Variants in PIP5K1B observed in about 807,000 individuals in gnomAD.
PIP5K1B encodes the protein phosphatidylinositol-4-phosphate 5-kinase type 1 beta, also known as phosphatidylinositol 4-phosphate 5-kinase type-1 beta.
In PIP5K1B, 42 loss-of-function variants were observed where a neutral mutation model predicts 67.0. The observed-to-expected ratio is 0.63, with a 90% CI of 0.49 to 0.81. The LOEUF (loss-of-function observed/expected upper bound fraction) is 0.81, where lower values mean the gene tolerates loss of function less well. PIP5K1B is among the 30% of genes least tolerant of loss of function. PIP5K1B has a pLI of 0.00. For missense variants in PIP5K1B, 459 were observed against 646.3 expected, an observed-to-expected ratio of 0.71 and a Z score of 3.14; for synonymous variants, 214 against 231.4, an observed-to-expected ratio of 0.92 and a Z score of 0.68.
chr9:68,900,784 A>G (rs1825318415), intron 8 of PIP5K1B, among the ~76,000 whole-genome samples: 1 of 152,224 alleles, frequency 6.6e-6, no homozygotes, highest in Non-Finnish European at 1.5e-5. Flanking sequence ...GACTGTAACC[A>G]TAAATATTAA....
chr9:68,794,954 T>C (rs1168789074), intron 2 of PIP5K1B, among the ~76,000 whole-genome samples: 1 of 152,186 alleles, frequency 6.6e-6, no homozygotes, highest in Admixed American at 6.5e-5. Flanking sequence ...CAAGCCATAT[T>C]TGTAACCAGC....
rs377701777 is a variant in PIP5K1B, at chr9:69,000,700, G to A, written c.1621-7747G>A. ...GAATTAGGGCCCAACCTGTGGCCTCGTTTTAATCTGATTACCTCTATAAAG... is the reference window on the plus strand; with the variant it reads ...GAATTAGGGCCCAACCTGTGGCCTCATTTTAATCTGATTACCTCTATAAAG... On this transcript the variant is annotated intron_variant, in intron 15 of 15. Transcript: ENST00000265382. 8.6e-4 allele frequency among the ~76,000 whole-genome samples: 131 copies of A among 152,236 alleles called. 1 individual carries two copies. The South Asian group carries it at 0.025, about 29-fold the overall frequency.
At chr9:68,713,883 T>C (rs1827511878) in intron 1 of PIP5K1B, among the ~76,000 whole-genome samples, 1 of 152,186 alleles carries the variant, frequency 6.6e-6, no homozygotes, top group Admixed American at 6.5e-5. Context: ...TTCATCACCA[T>C]GTGCTTCCAA....
At chr9:68,864,258 G>C (rs775784921) in intron 5 of PIP5K1B, among the ~76,000 whole-genome samples, 2 of 152,232 alleles carry the variant, frequency 1.3e-5, no homozygotes, top group Non-Finnish European at 1.5e-5. Flanking sequence ...CAGTGGGAAA[G>C]AGTGCAGTAA....
intron 14 of PIP5K1B, among the ~76,000 whole-genome samples, chr9:68,979,303 C>T (rs1829779923): frequency 6.6e-6 from 1 of 152,170 alleles, no homozygotes; most frequent in Admixed American, 6.5e-5. Flanking sequence ...AGAGACCTCA[C>T]CTAACAGGGT....
At chr9:69,002,860 G>A (rs1038606151) in intron 15 of PIP5K1B, among the ~76,000 whole-genome samples, 1 of 152,144 alleles carries the variant, frequency 6.6e-6, no homozygotes, top group Non-Finnish European at 1.5e-5. Context: ...GCGCATACCT[G>A]TAATCCCAGC....
chr9:68,764,074 C>CTT lies in PIP5K1B; in HGVS notation c.-86+21442_-86+21443dup, dbSNP rs72304177. ...TTTGGACACCCCTCTACTATAACTT[C>CTT]TTTTTTTTTTTTTTTTTTTTTTTTT... On this transcript the variant is annotated intron_variant, in intron 2 of 15. Coordinates refer to ENST00000265382, the MANE Select transcript of PIP5K1B (RefSeq NM_003558.4). Among the ~76,000 whole-genome samples, 148 of 73,542 alleles carry CTT rather than the reference C, an allele frequency of 2.0e-3. 12 individuals are homozygous for CTT. The highest frequency in any genetic ancestry group is 8.9e-3 in the Middle Eastern group (1 of 112). 48.2% of individuals were successfully genotyped at this position (73,542 alleles called of 152,430 possible). A position where few individuals can be genotyped will look rare whatever the true frequency, so the allele number is the denominator to read the frequency against.
intron 13 of PIP5K1B, among the ~76,000 whole-genome samples, chr9:68,937,359 C>T (rs755265486): frequency 6.6e-5 from 10 of 152,132 alleles, no homozygotes; most frequent in Non-Finnish European, 1.2e-4. Flanking sequence ...AGAATTTATC[C>T]CTTCCTTCTA....
chr9:68,901,161 T>C (rs1268360286), intron 8 of PIP5K1B, among the ~76,000 whole-genome samples: 1 of 152,230 alleles, frequency 6.6e-6, no homozygotes, highest in Non-Finnish European at 1.5e-5. Context: ...AATTATCCTC[T>C]CATCAATAAG....
chr9:68,809,633 A>G (rs1019001307), intron 2 of PIP5K1B, among the ~76,000 whole-genome samples: 2 of 152,198 alleles, frequency 1.3e-5, no homozygotes, highest in African/African-American at 4.8e-5. Context: ...TACACCCATG[A>G]AAATTTAAAT....
At chr9:68,908,482 T>A (rs954311106) in intron 8 of PIP5K1B, among the ~76,000 whole-genome samples, 1 of 150,716 alleles carries the variant, frequency 6.6e-6, no homozygotes, top group South Asian at 2.1e-4. Context: ...ACAGCCCAAG[T>A]TCTAAATCAC....
chr9:68,855,364 G>C (rs577571072), intron 4 of PIP5K1B, among the ~76,000 whole-genome samples: 5 of 151,988 alleles, frequency 3.3e-5, no homozygotes, highest in Admixed American at 3.3e-4. Flanking sequence ...TCAACCCCTT[G>C]GTTTTCAATA....
At chr9:68,871,090 C>T (rs972554466) in intron 5 of PIP5K1B, among the ~76,000 whole-genome samples, 3 of 152,166 alleles carry the variant, frequency 2.0e-5, no homozygotes, top group African/African-American at 4.8e-5. Context: ...ACCCCATAAA[C>T]AAAGCTGTGT....
At chr9:68,748,744 C>T (rs1829462485) in intron 2 of PIP5K1B, among the ~76,000 whole-genome samples, 1 of 151,526 alleles carries the variant, frequency 6.6e-6, no homozygotes, top group African/African-American at 2.4e-5. Flanking sequence ...GCCCCAGCCT[C>T]CTGAGTAGTG....
At chr9:68,898,177 C>G (rs1232196945) in intron 8 of PIP5K1B, among the ~76,000 whole-genome samples, 1 of 152,170 alleles carries the variant, frequency 6.6e-6, no homozygotes. Flanking sequence ...TGGAACTATT[C>G]TAGAAAACTG....
chr9:69,001,496 G>A (rs1237504437), intron 15 of PIP5K1B, among the ~76,000 whole-genome samples: 1 of 152,120 alleles, frequency 6.6e-6, no homozygotes, highest in Non-Finnish European at 1.5e-5. Flanking sequence ...ATTAATAAAG[G>A]AAAGCGGTTT....
chr9:68,836,113 T>G (rs975775556), intron 4 of PIP5K1B, among the ~76,000 whole-genome samples: 6 of 152,000 alleles, frequency 3.9e-5, no homozygotes, highest in Non-Finnish European at 8.8e-5. Flanking sequence ...TAAGGGAAGG[T>G]GGGAGTGGGC....
At chr9:68,871,696 T>C (rs1188340416) in intron 5 of PIP5K1B, among the ~76,000 whole-genome samples, 1 of 152,204 alleles carries the variant, frequency 6.6e-6, no homozygotes, top group Non-Finnish European at 1.5e-5. Flanking sequence ...AATGCCCTGA[T>C]GTGATAGGGA....
intron 14 of PIP5K1B, among the ~76,000 whole-genome samples, chr9:68,977,188 A>G (rs1376916740): frequency 6.6e-6 from 1 of 152,238 alleles, no homozygotes. Context: ...ACATTGTCCT[A>G]GAGAGCAGAA....
Sources: gnomAD v4.1 joint callset for allele counts (sites outside exome capture counted in the v4.1 genomes callset) on GRCh38, gnomAD v4.1.1 for gene constraint, MANE v1.5 for transcripts, NCBI Gene and HGNC (gene_info 2026-07-23, HGNC 2026-07-21) for gene names.